FN3KRP: variants seen among roughly 807,000 people sequenced by gnomAD.
FN3KRP encodes the protein fructosamine 3 kinase related protein, also known as ketosamine-3-kinase.
Under a neutral mutation model 29.8 loss-of-function variants are expected in FN3KRP, and 33 were observed. That is an observed-to-expected ratio of 1.11 (90% CI 0.84 to 1.48). The LOEUF (loss-of-function observed/expected upper bound fraction) is 1.48, where lower values mean the gene tolerates loss of function less well. Ranked by LOEUF, FN3KRP falls within the 40% of genes most tolerant of loss-of-function variation. The pLI is 0.00. For synonymous variants in FN3KRP, 157 were observed against 155.2 expected, an observed-to-expected ratio of 1.01 and a Z score of -0.09; for missense variants, 430 against 402.6, an observed-to-expected ratio of 1.07 and a Z score of -0.58.
At chr17:82,719,190 AC>A in intron 2 of FN3KRP, 133 bp downstream of exon 2, 8 of 796,890 alleles carry the variant, frequency 1.0e-5, no homozygotes, top group Non-Finnish European at 1.4e-5. Context: ...TGTTCACACC[AC>A]CCCCCAGCTG....
At chr17:82,719,647 C>T (rs896380395) in intron 2 of FN3KRP, among the ~76,000 whole-genome samples, 5 of 152,078 alleles carry the variant, frequency 3.3e-5, no homozygotes, top group African/African-American at 7.2e-5. Flanking sequence ...TCCAGCTACT[C>T]GGGAGGCTGA....
intron 4 of FN3KRP, among the ~76,000 whole-genome samples, chr17:82,723,837 C>T (rs79631460): frequency 0.022 from 3,299 of 151,986 alleles, 137 homozygotes; most frequent in African/African-American, 0.076. Context: ...CTCCATGTGA[C>T]TTTTCCTGTC....
chr17:82,716,730 G>C lies in FN3KRP; in HGVS notation c.-26G>C, dbSNP rs371743189. The C allele has an allele frequency of 2.0e-6, 3 of 1,477,296 alleles. No homozygotes were observed. The highest frequency in any genetic ancestry group is 2.7e-6 in the Non-Finnish European group (3 of 1,121,170). The allele number at this position is 1,477,296 out of a possible 1,614,324, so 91.5% of individuals were successfully genotyped here. On this transcript the variant is annotated 5_prime_UTR_variant, in exon 1 of 6. Coordinates refer to ENST00000269373, the MANE Select transcript of FN3KRP (RefSeq NM_024619.4). The stretch of plus-strand genomic sequence containing the variant: ...TCTCTCGAGTCTCCGCCAGATCCGG[G>C]GCGGGTCCGCGGCCGCGGCGGGAAC...
chr17:82,719,023 G>A lies in FN3KRP; in HGVS notation c.259G>A (p.Val87Met), dbSNP rs111421598. ...TGCCCCAGGCGGCGGGAGCGTGCTG[G>A]TGATGGAGCACATGGACATGAGGCA... ...LDAPGGGSVL[V>M]MEHMDMRHLS... The change falls in exon 2 of 6, where the codon GTG (valine) becomes ATG (methionine). Residue 87 changes from valine (V) to methionine (M), a missense_variant. Val to Met is a conservative substitution (Grantham distance 21, BLOSUM62 1). Transcript: ENST00000269373. The A allele has an allele frequency of 8.7e-6, 14 of 1,614,112 alleles. No individual in the cohort carries two copies. In the South Asian group the frequency reaches 1.3e-4, roughly 15 times the overall value.
At position 82,720,273 on chromosome 17, in the gene FN3KRP, C is replaced by A. The variant is rs951878526; in HGVS notation, c.295C>A (p.His99Asn). ...EHMDMRHLSS[H>N]AAKLGAQLAD... is the part of the protein sequence containing the mutation. Reference sequence around the variant, plus strand: ...AGTTGCTGTCGTTTGATTTGACAGTCATGCTGCAAAGCTTGGAGCCCAGCT... The same window carrying A: ...AGTTGCTGTCGTTTGATTTGACAGTAATGCTGCAAAGCTTGGAGCCCAGCT... Residue 99 changes from histidine to asparagine, a missense_variant and splice_region_variant, in exon 3 of 6, where the codon CAT becomes AAT. Coordinates refer to ENST00000269373, the MANE Select transcript of FN3KRP (RefSeq NM_024619.4). 2 of 1,613,554 alleles carry A rather than the reference C, an allele frequency of 1.2e-6. No individual in the cohort carries two copies. Among genetic ancestry groups the A allele is most frequent in the South Asian group, 1.1e-5 (1 of 91,054 alleles).
chr17:82,718,554 G>A (rs111255232), intron 1 of FN3KRP: 28 of 1,048,926 alleles, frequency 2.7e-5, no homozygotes, highest in Middle Eastern at 4.7e-4. Flanking sequence ...TTGAGGTGTC[G>A]TCTGAGGACA....
intron 4 of FN3KRP, among the ~76,000 whole-genome samples, chr17:82,726,174 C>G (rs187402655): frequency 1.5e-3 from 232 of 152,116 alleles, no homozygotes; most frequent in African/African-American, 5.5e-3. Flanking sequence ...GAGCGAAACT[C>G]TATCTCAGAA....
chr17:82,720,395 G>T (rs368761106), intron 3 of FN3KRP, 32 bp downstream of exon 3: 1 of 1,560,372 alleles, frequency 6.4e-7, no homozygotes, highest in Non-Finnish European at 8.8e-7. Context: ...GGGTGCTCCC[G>T]CCTAGAGGAG....
At chr17:82,721,464 T>C (rs2046797617) in intron 3 of FN3KRP, among the ~76,000 whole-genome samples, 2 of 152,194 alleles carry the variant, frequency 1.3e-5, no homozygotes, top group African/African-American at 4.8e-5. Flanking sequence ...TCCTTTCTGA[T>C]GGATTGGGGG....
intron 4 of FN3KRP, among the ~76,000 whole-genome samples, chr17:82,723,207 T>C (rs914684809): frequency 2.0e-5 from 3 of 152,152 alleles, no homozygotes; most frequent in Admixed American, 2.0e-4. Context: ...GGTTGTGTGA[T>C]TTTATGGTGG....
At chr17:82,721,446 G>A (rs1286447821) in intron 3 of FN3KRP, among the ~76,000 whole-genome samples, 3 of 152,104 alleles carry the variant, frequency 2.0e-5, no homozygotes, top group Admixed American at 2.0e-4. Flanking sequence ...GTTTGCCACT[G>A]AGAGCCATCC....
intron 1 of FN3KRP, 49 bp from the exon 2 acceptor site, chr17:82,718,857 G>C (rs2046777757): frequency 6.3e-7 from 1 of 1,596,702 alleles, no homozygotes. Context: ...CCTTCCGGAA[G>C]TAACCTTGCC....
chr17:82,725,636 A>C (rs1350713850), intron 4 of FN3KRP, among the ~76,000 whole-genome samples: 1 of 151,832 alleles, frequency 6.6e-6, no homozygotes, highest in Non-Finnish European at 1.5e-5. Flanking sequence ...TTTTAGTACA[A>C]GCATGAGCCA....
At chr17:82,723,662 T>C (rs565657160) in intron 4 of FN3KRP, among the ~76,000 whole-genome samples, 40 of 151,374 alleles carry the variant, frequency 2.6e-4, no homozygotes, top group South Asian at 4.1e-4. Context: ...TGTACGCGTG[T>C]GCGCGCACAT....
chr17:82,718,205 A>G (rs2046773013), intron 1 of FN3KRP, among the ~76,000 whole-genome samples: 1 of 150,698 alleles, frequency 6.6e-6, no homozygotes, highest in Non-Finnish European at 1.5e-5. Flanking sequence ...CTGTGTGTGT[A>G]AGGGTGGAGC....
intron 5 of FN3KRP, 90 bp from the exon 6 acceptor site, chr17:82,726,743 C>T: frequency 1.3e-6 from 2 of 1,492,604 alleles, no homozygotes; most frequent in Middle Eastern, 1.8e-4. Context: ...CTATCCGCTG[C>T]TGCCTGGGCT....
At chr17:82,725,447 T>A (rs1340592939) in intron 4 of FN3KRP, among the ~76,000 whole-genome samples, 1 of 151,998 alleles carries the variant, frequency 6.6e-6, no homozygotes. Context: ...TCAAATTTTT[T>A]AATTTATTTA....
In FN3KRP at chr17:82,726,963, A is replaced by T; in HGVS notation, c.722A>T (p.His241Leu). 6.2e-7 allele frequency: 1 copy of T among 1,613,826 alleles called. No homozygotes were observed. The highest frequency in any genetic ancestry group is 8.5e-7 in the Non-Finnish European group (1 of 1,179,942). ...TTTGACCCAGCTTCTTTCTACGGCC[A>T]CTCGGAATATGAGCTGGCAATAGCT... Reference protein sequence around the residue: ...VIFDPASFYGHSEYELAIAGM... With the variant: ...VIFDPASFYGLSEYELAIAGM... The change falls in exon 6 of 6, where the codon CAC becomes CTC. Residue 241 changes from histidine (H) to leucine (L), a missense_variant. Coordinates refer to ENST00000269373, the MANE Select transcript of FN3KRP (RefSeq NM_024619.4).
chr17:82,718,128 G>T (rs928897113), intron 1 of FN3KRP, among the ~76,000 whole-genome samples: 1 of 148,342 alleles, frequency 6.7e-6, no homozygotes, highest in Non-Finnish European at 1.5e-5. Flanking sequence ...TGTTGTGTGT[G>T]TTGTGTGTCT....
Sources: gnomAD v4.1 joint callset for allele counts (sites outside exome capture counted in the v4.1 genomes callset) on GRCh38, gnomAD v4.1.1 for gene constraint, MANE v1.5 for transcripts, NCBI Gene and HGNC (gene_info 2026-07-23, HGNC 2026-07-21) for gene names.